The following HS6ST3 variants were observed in gnomAD, a reference collection of about 807,000 sequenced individuals.
The protein encoded by HS6ST3 is heparan-sulfate 6-O-sulfotransferase 3.
A neutral mutation model predicts 36.7 loss-of-function variants in HS6ST3; 12 were observed. That is an observed-to-expected ratio of 0.33 (90% CI 0.21 to 0.53). The LOEUF (loss-of-function observed/expected upper bound fraction) is 0.53. HS6ST3 is among the 20% of genes least tolerant of loss of function. The probability of loss-of-function intolerance (pLI) is 0.95; values close to 1 mark genes in which losing one functional copy is unlikely to be tolerated. For synonymous variants in HS6ST3, 240 were observed against 257.5 expected (o/e 0.93, Z 0.65); for missense variants, 584 against 640.9 (o/e 0.91, Z 0.96).
At chr13:96,492,204 G>A (rs930225245) in intron 1 of HS6ST3, among the ~76,000 whole-genome samples, 1 of 152,144 alleles carries the variant, frequency 6.6e-6, no homozygotes, top group Non-Finnish European at 1.5e-5. Flanking sequence ...TTCTTCAGGG[G>A]CTGGGTTCAT....
chr13:96,288,944 G>C (rs1015188541), intron 1 of HS6ST3, among the ~76,000 whole-genome samples: 1 of 151,946 alleles, frequency 6.6e-6, no homozygotes, highest in African/African-American at 2.4e-5. Flanking sequence ...GGCTAGAATT[G>C]ATGAGGGAAG....
intron 1 of HS6ST3, among the ~76,000 whole-genome samples, chr13:96,831,423 G>A (rs1240074808): frequency 2.0e-5 from 3 of 152,164 alleles, no homozygotes; most frequent in Non-Finnish European, 2.9e-5. Context: ...CTGCAGGTCA[G>A]GTATTAACTT....
intron 1 of HS6ST3, among the ~76,000 whole-genome samples, chr13:96,319,366 T>C (rs1395548728): frequency 5.3e-5 from 8 of 152,228 alleles, no homozygotes; most frequent in African/African-American, 1.9e-4. Context: ...TCTCTATGGA[T>C]AGACCACATT....
chr13:96,785,979 C>CA (rs1269169434), intron 1 of HS6ST3, among the ~76,000 whole-genome samples: 1 of 152,100 alleles, frequency 6.6e-6, no homozygotes. Context: ...ATAATAACAA[C>CA]AAAAACCTAT....
At chr13:96,656,994 TGTGTGA>T (rs1360891985) in intron 1 of HS6ST3, among the ~76,000 whole-genome samples, 12 of 135,508 alleles carry the variant, frequency 8.9e-5, no homozygotes, top group South Asian at 2.4e-4. Context: ...TGTGTGTGTG[TGTGTGA>T]GAGAGAGAGA....
intron 1 of HS6ST3, among the ~76,000 whole-genome samples, chr13:96,433,926 ACT>A (rs2055628720): frequency 1.3e-5 from 2 of 151,132 alleles, no homozygotes; most frequent in East Asian, 3.9e-4. Flanking sequence ...CAAGAGTGAA[ACT>A]CTGTCAGAAA....
Position 96,635,804 on chromosome 13 carries a change from C to G in HS6ST3, c.708-196686C>G, listed in dbSNP as rs148634673. Among the ~76,000 whole-genome samples the G allele has an allele frequency of 3.7e-3, 569 of 152,184 alleles. 1 individual carries two copies. The highest frequency in any genetic ancestry group is 0.014 in the Middle Eastern group (4 of 294). On this transcript the variant is annotated intron_variant, in intron 1 of 1. Transcript: ENST00000376705. ...TTGAGTGATAAACACTATATTGGCC[C>G]TGCCTCTGGGAGCCCACACTGGATG...
intron 1 of HS6ST3, among the ~76,000 whole-genome samples, chr13:96,225,833 C>T (rs1441696005): frequency 6.6e-6 from 1 of 151,992 alleles, no homozygotes; most frequent in African/African-American, 2.4e-5. Context: ...AACTAAATTT[C>T]AACTGGGTAA....
intron 1 of HS6ST3, among the ~76,000 whole-genome samples, chr13:96,448,596 C>T (rs565535565): frequency 1.3e-5 from 2 of 152,142 alleles, no homozygotes; most frequent in South Asian, 4.2e-4. Context: ...GCCATTTATA[C>T]TTCTAATAAA....
intron 1 of HS6ST3, among the ~76,000 whole-genome samples, chr13:96,252,895 C>T (rs2054614201): frequency 6.6e-6 from 1 of 152,064 alleles, no homozygotes; most frequent in Non-Finnish European, 1.5e-5. Flanking sequence ...AGAAGTCAAG[C>T]AGATGCTGGC....
At chr13:96,184,084 T>C (rs769507692) in intron 1 of HS6ST3, among the ~76,000 whole-genome samples, 8 of 150,680 alleles carry the variant, frequency 5.3e-5, no homozygotes, top group Non-Finnish European at 1.2e-4. Context: ...GCCTGTAGTC[T>C]CAGCTACTCG....
chr13:96,575,934 A>C (rs928693667), intron 1 of HS6ST3, among the ~76,000 whole-genome samples: 3 of 152,216 alleles, frequency 2.0e-5, no homozygotes, highest in Admixed American at 6.5e-5. Flanking sequence ...AACATCTCAG[A>C]AAACTCGTCA....
At chr13:96,171,859 T>G (rs2054189187) in intron 1 of HS6ST3, among the ~76,000 whole-genome samples, 1 of 152,234 alleles carries the variant, frequency 6.6e-6, no homozygotes, top group African/African-American at 2.4e-5. Context: ...TATGGTTTCT[T>G]GTTGAGCCCT....
intron 1 of HS6ST3, among the ~76,000 whole-genome samples, chr13:96,402,706 G>T (rs745361538): frequency 1.1e-4 from 16 of 152,134 alleles, no homozygotes; most frequent in Non-Finnish European, 2.1e-4. Flanking sequence ...CTTTTATTTG[G>T]AAATATATTT....
chr13:96,103,456 A>C (rs965776969), intron 1 of HS6ST3, among the ~76,000 whole-genome samples: 1 of 152,220 alleles, frequency 6.6e-6, no homozygotes, highest in Non-Finnish European at 1.5e-5. Flanking sequence ...TGCCTGGTAC[A>C]TAATGGCTGT....
chr13:96,517,815 A>C (rs2056078414), intron 1 of HS6ST3, among the ~76,000 whole-genome samples: 1 of 152,052 alleles, frequency 6.6e-6, no homozygotes, highest in Non-Finnish European at 1.5e-5. Context: ...ATGAGTTCTC[A>C]TCATTTAGCT....
chr13:96,151,123 G>A (rs959127204), intron 1 of HS6ST3, among the ~76,000 whole-genome samples: 13 of 152,234 alleles, frequency 8.5e-5, no homozygotes, highest in African/African-American at 2.4e-4. Context: ...CTGGATACAC[G>A]CTGGGCACCA....
intron 1 of HS6ST3, among the ~76,000 whole-genome samples, chr13:96,729,711 C>G (rs559826753): frequency 5.7e-4 from 86 of 152,208 alleles, no homozygotes; most frequent in African/African-American, 1.7e-3. Context: ...AAGTGATACC[C>G]GACTTTGGCT....
chr13:96,748,352 G>A (rs910695813), intron 1 of HS6ST3, among the ~76,000 whole-genome samples: 1 of 152,118 alleles, frequency 6.6e-6, no homozygotes, highest in African/African-American at 2.4e-5. Context: ...AATCCAGGAT[G>A]TGGAGTGTTA....
Sources: gnomAD v4.1 joint callset for allele counts (sites outside exome capture counted in the v4.1 genomes callset) on GRCh38, gnomAD v4.1.1 for gene constraint, MANE v1.5 for transcripts, NCBI Gene and HGNC (gene_info 2026-07-23, HGNC 2026-07-21) for gene names.